Variants in UBR4 observed in about 807,000 individuals in gnomAD.
UBR4 encodes the protein E3 ubiquitin-protein ligase UBR4.
In UBR4, 124 loss-of-function variants were observed where a neutral mutation model predicts 575.6. The ratio of observed to expected loss-of-function variants is 0.22; its 90% CI spans 0.19 to 0.25. UBR4 has a LOEUF of 0.25. Among genes scored for constraint, UBR4 ranks in the 10% least tolerant of loss-of-function variants. UBR4 has a pLI of 1.00. For missense variants in UBR4, 4,818 were observed against 6,478.8 expected (o/e 0.74, Z 8.80); for synonymous variants, 2,455 against 2,473.7 (o/e 0.99, Z 0.22).
Position 19,098,047 on chromosome 1 carries a change from G to C in UBR4, c.13303-767C>G, listed in dbSNP as rs142526869. Among the ~76,000 whole-genome samples the C allele has an allele frequency of 5.6e-3, 859 of 152,328 alleles. 2 individuals are homozygous for C. The highest frequency in any genetic ancestry group is 9.6e-3 in the Non-Finnish European group (651 of 68,036). ...CTCATTTTGCAGACTAGAAATTGGA[G>C]CTCAAAGTAACCACTGATGAAATCC... On this transcript the variant is annotated intron_variant, in intron 90 of 105. Coordinates refer to ENST00000375254, the MANE Select transcript of UBR4 (RefSeq NM_020765.3).
At position 19,112,612 on chromosome 1, in the gene UBR4, G is replaced by A; in HGVS notation, c.11713C>T (p.Leu3905Phe). The change falls in exon 78 of 106, where the codon CTT becomes TTT. Residue 3905 changes from leucine to phenylalanine, a missense_variant. This residue lies in a region of UBR4 where 333 missense variants were observed against 459.2 expected (regional missense o/e 0.73). Transcript: ENST00000375254. ...TTATAATCAAAGAGCTCCCGGATAA[G>A]GCCCTGGGAGACAAGGATGTGCCTC... ...ALRHILVSQG[L>F]IRELFDYNLR... The A allele has an allele frequency of 6.2e-7, 1 of 1,614,274 alleles. No homozygotes were observed. The highest frequency in any genetic ancestry group is 8.5e-7 in the Non-Finnish European group (1 of 1,180,050).
rs756294693 is a variant in UBR4 at position 19,155,544 on chromosome 1, G to A, written c.6197C>T (p.Ser2066Leu). Residue 2066 changes from serine (S) to leucine (L), a missense_variant, in exon 43 of 106, where the codon TCG becomes TTG. Ser to Leu is a moderately radical substitution (Grantham distance 145, BLOSUM62 -2). Coordinates refer to ENST00000375254, the MANE Select transcript of UBR4 (RefSeq NM_020765.3). ...EGKNIIVIMS[S>L]AGYIYTQLME... Reference sequence around the variant, plus strand: ...AAGCTGAGTATAGATGTACCCAGCCGAAGACATTATAACAATGATGTTCTT... The same window carrying A: ...AAGCTGAGTATAGATGTACCCAGCCAAAGACATTATAACAATGATGTTCTT... The A allele has an allele frequency of 1.5e-5, 25 of 1,614,012 alleles. No homozygotes were observed. Among genetic ancestry groups the A allele is most frequent in the Admixed American group, 1.2e-4 (7 of 59,992 alleles).
intron 94 of UBR4, among the ~76,000 whole-genome samples, 174 bp downstream of exon 94, chr1:19,094,732 G>T (rs536102295): frequency 3.3e-5 from 5 of 152,234 alleles, no homozygotes; most frequent in African/African-American, 1.2e-4. Context: ...TGAATCCAAA[G>T]ATTTCACATT....
At chr1:19,151,019 G>GT in intron 48 of UBR4, 1 of 579,628 alleles carries the variant, frequency 1.7e-6, no homozygotes, top group African/African-American at 1.9e-5. Context: ...CTACTCAGAA[G>GT]AGTCCCTAAC....
chr1:19,198,292 T>C (rs929163372), intron 5 of UBR4, among the ~76,000 whole-genome samples: 1 of 152,204 alleles, frequency 6.6e-6, no homozygotes, highest in African/African-American at 2.4e-5. Flanking sequence ...AAACTGTACA[T>C]ACACCTTACA....
At position 19,076,962 on chromosome 1, in the gene UBR4, C is replaced by T. The variant is rs1390433838; in HGVS notation, c.15325-60G>A. The T allele has an allele frequency of 2.6e-6, 4 of 1,510,086 alleles. No individual in the cohort carries two copies. The African/African-American group carries it at 5.6e-5, about 21-fold the overall frequency. The allele number at this position is 1,510,086 out of a possible 1,614,324, so 93.5% of individuals were successfully genotyped here. A position where few individuals can be genotyped will look rare whatever the true frequency, so the allele number is the denominator to read the frequency against. On this transcript the variant is annotated intron_variant, in intron 104 of 105. Transcript: ENST00000375254. ...GACTTACTGCTGCCTCATCTTCCGC[C>T]TCAAGTCAGTCAGGCCATTTCAACC...
chr1:19,196,758 C>T (rs2092477882), intron 8 of UBR4, among the ~76,000 whole-genome samples: 1 of 152,202 alleles, frequency 6.6e-6, no homozygotes, highest in Admixed American at 6.5e-5. Flanking sequence ...CTTCTATTGC[C>T]TTTAATACTG....
intron 2 of UBR4, among the ~76,000 whole-genome samples, chr1:19,201,145 A>T (rs1158414432): frequency 6.6e-6 from 1 of 152,220 alleles, no homozygotes; most frequent in Non-Finnish European, 1.5e-5. Context: ...TCTCTAAAAA[A>T]GCAAATTTAA....
At chr1:19,201,845 T>C (rs755137584) in intron 1 of UBR4, 30 bp from the exon 2 acceptor site, 21 of 1,598,914 alleles carry the variant, frequency 1.3e-5, no homozygotes, top group African/African-American at 1.2e-4. Context: ...TCAGCCAGCA[T>C]CTGCTTAGCG....
chr1:19,197,585 C>A (rs1281506051), intron 7 of UBR4, 85 bp downstream of exon 7: 2 of 1,547,140 alleles, frequency 1.3e-6, no homozygotes, highest in African/African-American at 2.7e-5. Flanking sequence ...CGAGACTGCA[C>A]CCCTGCACTC....
At chr1:19,137,198 G>T (rs1388898418) in intron 60 of UBR4, among the ~76,000 whole-genome samples, 1 of 151,896 alleles carries the variant, frequency 6.6e-6, no homozygotes, top group African/African-American at 2.4e-5. Context: ...AACTCGGGAG[G>T]CTGAGGTAGG....
Position 19,106,908 on chromosome 1 carries a change from T to C in UBR4, c.12164A>G (p.Gln4055Arg), listed in dbSNP as rs1248820389. 1.9e-6 allele frequency: 3 copies of C among 1,613,332 alleles called. No homozygotes were observed. The South Asian group carries it at 3.3e-5, about 18-fold the overall frequency. ...VKPYCNEIHA[Q>R]AQLWLKRDPK... ...GTCTCTCTTGAGCCACAGTTGAGCC[T>C]GGGCATGGATCTCATTGCAGTATGG... Residue 4055 changes from glutamine (Q) to arginine (R), a missense_variant, in exon 82 of 106, where the codon CAG becomes CGG. Around this residue, in one of 29 missense-constraint regions of UBR4, gnomAD observed 333 missense variants for 459.2 expected, o/e 0.73. Transcript: ENST00000375254.
intron 99 of UBR4, among the ~76,000 whole-genome samples, 194 bp from the exon 100 acceptor site, chr1:19,087,015 T>C (rs2077078458): frequency 6.6e-6 from 1 of 152,240 alleles, no homozygotes; most frequent in Non-Finnish European, 1.5e-5. Context: ...GCCGCAGCCC[T>C]AGTGAAACAA....
Position 19,210,135 on chromosome 1 carries a change from G to A in UBR4, c.114C>T (p.Ser38=), listed in dbSNP as rs754906327. ...GWEVAVRPLL[S]ASYSAFEMKE... The stretch of plus-strand genomic sequence containing the variant: ...TCATCTCGAAGGCGGAGTAGGACGC[G>A]GACAGCAGGGGCCGCACAGCCACCT... The change falls in exon 1 of 106, where the codon TCC becomes TCT. Residue 38 remains serine, a synonymous_variant. Transcript: ENST00000375254. 1.9e-6 allele frequency: 3 copies of A among 1,584,772 alleles called. No individual in the cohort carries two copies. The highest frequency in any genetic ancestry group is 2.6e-6 in the Non-Finnish European group (3 of 1,168,534).
At chr1:19,203,084 A>G (rs1167209022) in intron 1 of UBR4, among the ~76,000 whole-genome samples, 2 of 150,602 alleles carry the variant, frequency 1.3e-5, no homozygotes, top group South Asian at 2.1e-4. Flanking sequence ...GTCTCAGAGA[A>G]AAAAAAAAAG....
At chr1:19,145,696 TG>T (rs1358983610) in intron 53 of UBR4, 96 bp downstream of exon 53, 4 of 1,419,446 alleles carry the variant, frequency 2.8e-6, no homozygotes, top group Non-Finnish European at 3.8e-6. Context: ...AAATGGATTA[TG>T]AAGAATGAAA....
At chr1:19,077,378 A>T (rs1219764177) in intron 104 of UBR4, among the ~76,000 whole-genome samples, 1 of 152,118 alleles carries the variant, frequency 6.6e-6, no homozygotes, top group Non-Finnish European at 1.5e-5. Flanking sequence ...CCCGGCGGGG[A>T]AGGTCTTCCT....
In UBR4 at chr1:19,124,533, T is replaced by C. The variant is rs1254406923; in HGVS notation, c.9588+8A>G. 6.2e-7 allele frequency: 1 copy of C among 1,613,964 alleles called. No individual in the cohort carries two copies. The highest frequency in any genetic ancestry group is 2.2e-5 in the East Asian group (1 of 44,874). On this transcript the variant is annotated splice_region_variant and intron_variant, in intron 65 of 105. Transcript: ENST00000375254. ...CCAACAAGCATGCAGCTTGGGACTT[T>C]CACTTACCTCGGAGAGAAAGTAAAA...
At chr1:19,182,858 T>C (rs948831644) in intron 17 of UBR4, among the ~76,000 whole-genome samples, 1 of 152,212 alleles carries the variant, frequency 6.6e-6, no homozygotes, top group Non-Finnish European at 1.5e-5. Context: ...GCTATAAAAC[T>C]ACAAGCAATT....
Sources: allele counts gnomAD v4.1 joint callset (sites outside exome capture counted in the v4.1 genomes callset), GRCh38; gene constraint gnomAD v4.1.1; regional missense constraint gnomAD v4.1.1; transcripts MANE v1.5; gene names NCBI Gene and HGNC (gene_info 2026-07-23, HGNC 2026-07-21).